The following ADGRB3 variants were observed in gnomAD, a reference collection of about 807,000 sequenced individuals.
The protein encoded by ADGRB3 is brain-specific angiogenesis inhibitor 3.
In ADGRB3, 37 loss-of-function variants were observed where a neutral mutation model predicts 193.4. The observed-to-expected ratio is 0.19, with a 90% CI of 0.15 to 0.25. The LOEUF is 0.25. ADGRB3 is among the 10% of genes least tolerant of loss of function. The pLI, the probability that ADGRB3 is intolerant of heterozygous loss-of-function variation, is 1.00. For synonymous variants in ADGRB3, 690 were observed against 644.2 expected, an observed-to-expected ratio of 1.07 and a Z score of -1.08; for missense variants, 1,637 against 1,852.9, an observed-to-expected ratio of 0.88 and a Z score of 2.14.
intron 3 of ADGRB3, among the ~76,000 whole-genome samples, chr6:68,852,354 G>A (rs1241358890): frequency 1.3e-5 from 2 of 151,842 alleles, no homozygotes; most frequent in African/African-American, 2.4e-5. Flanking sequence ...TGCTAAATTA[G>A]CATATATTGA....
chr6:69,026,928 G>C (rs947220), intron 13 of ADGRB3, among the ~76,000 whole-genome samples: 36,746 of 152,094 alleles, frequency 0.24, 4,698 homozygotes, highest in African/African-American at 0.26. Context: ...TGAGTGAGTG[G>C]TGAGTGAGTG....
chr6:69,261,352 C>T (rs1582587236), intron 20 of ADGRB3, among the ~76,000 whole-genome samples: 1 of 152,068 alleles, frequency 6.6e-6, no homozygotes, highest in African/African-American at 2.4e-5. Context: ...CTTCAAGATA[C>T]TTCTTTAGAA....
chr6:68,930,488 C>A, intron 3 of ADGRB3, 71 bp from the exon 4 acceptor site: 1 of 1,013,944 alleles, frequency 9.9e-7, no homozygotes, highest in Non-Finnish European at 1.5e-6. Context: ...GAACATATTG[C>A]ATGAGACAGT....
chr6:68,864,961 C>G (rs2150216481), intron 3 of ADGRB3, among the ~76,000 whole-genome samples: 1 of 152,312 alleles, frequency 6.6e-6, no homozygotes, highest in African/African-American at 2.4e-5. Context: ...AAAGACTATA[C>G]TATATCTCTT....
At chr6:68,792,168 A>C (rs1009154464) in intron 3 of ADGRB3, among the ~76,000 whole-genome samples, 1 of 152,216 alleles carries the variant, frequency 6.6e-6, no homozygotes, top group Non-Finnish European at 1.5e-5. Context: ...CAAATTTCAA[A>C]AGCTAACTGT....
intron 17 of ADGRB3, among the ~76,000 whole-genome samples, chr6:69,085,072 G>GA (rs527710125): frequency 2.0e-5 from 3 of 151,638 alleles, no homozygotes; most frequent in East Asian, 1.9e-4. Context: ...GAGTGTAAAG[G>GA]AAAAAAAATA....
At chr6:69,056,854 T>G (rs1471050959) in intron 15 of ADGRB3, among the ~76,000 whole-genome samples, 1 of 152,184 alleles carries the variant, frequency 6.6e-6, no homozygotes, top group African/African-American at 2.4e-5. Context: ...TACTGTAGCT[T>G]TGTAATATAG....
intron 27 of ADGRB3, 25 bp downstream of exon 27, chr6:69,354,353 G>A (rs1462056722): frequency 1.3e-6 from 2 of 1,542,766 alleles, no homozygotes; most frequent in African/African-American, 2.7e-5. Context: ...TTCCCCGATT[G>A]TTAATTAACT....
chr6:69,233,527 C>T lies in ADGRB3; in HGVS notation c.2607+111C>T, dbSNP rs201273452. The T allele has an allele frequency of 2.4e-5, 20 of 837,780 alleles. No homozygotes were observed. In the African/African-American group the frequency reaches 1.0e-3, roughly 42 times the overall value. The allele number at this position is 837,780 out of a possible 1,614,324, so 51.9% of individuals were successfully genotyped here. A position where few individuals can be genotyped will look rare whatever the true frequency, so the allele number is the denominator to read the frequency against. On this transcript the variant is annotated intron_variant, in intron 18 of 31. Transcript: ENST00000370598. ...GGGAAATGGAAAATGTTGCAGGGTA[C>T]AAAATTGGGTTCGTCTCCTCCTTAG... is the stretch of plus-strand genomic sequence containing the variant.
intron 20 of ADGRB3, among the ~76,000 whole-genome samples, chr6:69,305,997 C>A (rs1231759429): frequency 2.6e-5 from 4 of 151,332 alleles, no homozygotes; most frequent in Admixed American, 6.6e-5. Context: ...TGTAAGTAAT[C>A]TAAAGATGAT....
chr6:69,040,975 C>T (rs992866970), intron 13 of ADGRB3, among the ~76,000 whole-genome samples: 16 of 152,130 alleles, frequency 1.1e-4, no homozygotes, highest in African/African-American at 3.9e-4. Flanking sequence ...TGTTTCCCAT[C>T]TAAAGCTCTG....
At chr6:69,172,542 G>A (rs1775299927) in intron 17 of ADGRB3, among the ~76,000 whole-genome samples, 1 of 150,068 alleles carries the variant, frequency 6.7e-6, no homozygotes, top group Non-Finnish European at 1.5e-5. Context: ...TGCTCGGGAG[G>A]CTGAGGCAGA....
intron 3 of ADGRB3, among the ~76,000 whole-genome samples, chr6:68,868,951 G>GTGTGTGTTTT (rs781022363): frequency 2.7e-5 from 4 of 150,394 alleles, no homozygotes; most frequent in Admixed American, 6.6e-5. Flanking sequence ...GAGTGTGTGT[G>GTGTGTGTTTT]TTTAAACTTA....
At chr6:68,852,698 C>T (rs1768430935) in intron 3 of ADGRB3, among the ~76,000 whole-genome samples, 2 of 152,006 alleles carry the variant, frequency 1.3e-5, no homozygotes, top group African/African-American at 4.8e-5. Context: ...TAAGCATATT[C>T]TATCTTTCTT....
chr6:69,277,446 A>G (rs1767328773), intron 20 of ADGRB3, among the ~76,000 whole-genome samples: 1 of 152,162 alleles, frequency 6.6e-6, no homozygotes, highest in African/African-American at 2.4e-5. Flanking sequence ...ACAATGTGGT[A>G]CACTGGTAAA....
chr6:68,781,861 CAT>C (rs894971803), intron 3 of ADGRB3, among the ~76,000 whole-genome samples: 1 of 152,046 alleles, frequency 6.6e-6, no homozygotes, highest in African/African-American at 2.4e-5. Flanking sequence ...GCCAAGAAAA[CAT>C]AGCTTCAGTG....
chr6:68,818,474 G>A (rs1441479250), intron 3 of ADGRB3, among the ~76,000 whole-genome samples: 2 of 151,970 alleles, frequency 1.3e-5, no homozygotes, highest in African/African-American at 4.8e-5. Context: ...GTTGAAGAAT[G>A]AAACAGCTTG....
chr6:68,899,878 A>C (rs1222806635), intron 3 of ADGRB3, among the ~76,000 whole-genome samples: 1 of 152,128 alleles, frequency 6.6e-6, no homozygotes, highest in Non-Finnish European at 1.5e-5. Flanking sequence ...ACTCTATTAA[A>C]ATTTTTAAAT....
chr6:69,177,070 A>G (rs912710427), intron 17 of ADGRB3, among the ~76,000 whole-genome samples: 1 of 152,140 alleles, frequency 6.6e-6, no homozygotes, highest in Non-Finnish European at 1.5e-5. Context: ...CCTGTCAAAG[A>G]ACCATTTTTG....
Sources: gnomAD v4.1 joint callset for allele counts (sites outside exome capture counted in the v4.1 genomes callset) on GRCh38, gnomAD v4.1.1 for gene constraint, MANE v1.5 for transcripts, NCBI Gene and HGNC (gene_info 2026-07-23, HGNC 2026-07-21) for gene names.